Variants in FBXW8 observed in about 807,000 individuals in gnomAD.
The protein encoded by FBXW8 is F-box and WD repeat domain containing 8.
In FBXW8, 57 loss-of-function variants were observed where a neutral mutation model predicts 65.3. The ratio of observed to expected loss-of-function variants is 0.87; its 90% CI spans 0.71 to 1.09. The LOEUF is 1.09. FBXW8 is among the 50% of genes least tolerant of loss of function. The probability of loss-of-function intolerance (pLI) is 0.00; values close to 1 mark genes in which losing one functional copy is unlikely to be tolerated. For missense variants in FBXW8, 777 were observed against 814.8 expected (o/e 0.95, Z 0.57); for synonymous variants, 308 against 330.2 (o/e 0.93, Z 0.73).
chr12:117,018,330 A>G (rs1389375430), intron 8 of FBXW8, among the ~76,000 whole-genome samples: 1 of 152,242 alleles, frequency 6.6e-6, no homozygotes, highest in Non-Finnish European at 1.5e-5. Context: ...AATACTCGCT[A>G]GATGGGGATT....
chr12:116,991,161 CAT>C (rs35808756), intron 7 of FBXW8, among the ~76,000 whole-genome samples: 17,076 of 152,274 alleles, frequency 0.11, 1,321 homozygotes, highest in Admixed American at 0.21. Flanking sequence ...TCCAAACACT[CAT>C]GTGGGTGAAT....
intron 2 of FBXW8, among the ~76,000 whole-genome samples, chr12:116,944,917 G>T (rs1400448142): frequency 6.6e-6 from 1 of 152,160 alleles, no homozygotes; most frequent in African/African-American, 2.4e-5. Context: ...AGATGTTTGG[G>T]TTATAGGTAA....
intron 1 of FBXW8, among the ~76,000 whole-genome samples, chr12:116,918,053 G>T (rs1039092051): frequency 3.3e-5 from 5 of 151,382 alleles, no homozygotes; most frequent in African/African-American, 1.2e-4. Context: ...GTTTTATGAA[G>T]CTTTTAGTAA....
At chr12:117,011,594 A>G (rs77481848) in intron 8 of FBXW8, among the ~76,000 whole-genome samples, 4,100 of 152,218 alleles carry the variant, frequency 0.027, 182 homozygotes, top group African/African-American at 0.088. Flanking sequence ...CAAAAGAATC[A>G]AGTCAGTTTG....
intron 2 of FBXW8, among the ~76,000 whole-genome samples, chr12:116,937,202 C>T (rs1418818369): frequency 6.6e-6 from 1 of 152,078 alleles, no homozygotes; most frequent in Admixed American, 6.5e-5. Context: ...ATGGAAGGAG[C>T]ATGTGTGGGT....
chr12:116,911,378 C>A (rs1351924351), intron 1 of FBXW8, 23 bp downstream of exon 1: 63 of 1,255,978 alleles, frequency 5.0e-5, no homozygotes, highest in Non-Finnish European at 6.0e-5. Flanking sequence ...CGCCTCCCCC[C>A]CGCCCATGCC....
chr12:116,993,142 C>T (rs545651077), intron 7 of FBXW8, among the ~76,000 whole-genome samples: 13 of 113,112 alleles, frequency 1.1e-4, no homozygotes, highest in Admixed American at 2.8e-4. Flanking sequence ...CTTGCTCTGT[C>T]GCCCAGGCTG....
intron 4 of FBXW8, among the ~76,000 whole-genome samples, chr12:116,964,446 C>T (rs909488215): frequency 6.6e-6 from 1 of 152,170 alleles, no homozygotes; most frequent in Admixed American, 6.5e-5. Context: ...TCTTGCTACC[C>T]ATGTCTTATT....
Position 117,028,712 on chromosome 12 carries a change from C to A in FBXW8, c.*540C>A, listed in dbSNP as rs1954296690. On this transcript the variant is annotated 3_prime_UTR_variant, in exon 11 of 11. Coordinates refer to ENST00000652555, the MANE Select transcript of FBXW8 (RefSeq NM_153348.3). This position sits in a 1 kb window ranked among gnomAD's most constrained non-coding sequence, Gnocchi z 4.1. ...GCAAGCTGGTAGAGCTGTACTTTTTCTTCACAGCTTTTACCATGGTTTATA... is the reference window on the plus strand; with the variant it reads ...GCAAGCTGGTAGAGCTGTACTTTTTATTCACAGCTTTTACCATGGTTTATA... 6.4e-6 allele frequency: 1 copy of A among 155,704 alleles called. No individual in the cohort carries two copies. The highest frequency in any genetic ancestry group is 1.4e-5 in the Non-Finnish European group (1 of 69,988). 9.6% of individuals were successfully genotyped at this position (155,704 alleles called of 1,614,324 possible). A position where few individuals can be genotyped will look rare whatever the true frequency, so the allele number is the denominator to read the frequency against.
At chr12:116,917,516 T>C (rs1370252213) in intron 1 of FBXW8, among the ~76,000 whole-genome samples, 7 of 152,242 alleles carry the variant, frequency 4.6e-5, no homozygotes, top group Non-Finnish European at 1.0e-4. Flanking sequence ...CACCCTGTTG[T>C]ATTTCTGGTG....
chr12:116,986,274 A>C (rs1160692678), intron 6 of FBXW8: 1 of 152,164 alleles, frequency 6.6e-6, no homozygotes, highest in Non-Finnish European at 1.5e-5. Context: ...CTGCACTTTG[A>C]GTATAGTGCT....
intron 9 of FBXW8, 103 bp downstream of exon 9, chr12:117,024,423 G>A (rs1209483715): frequency 1.1e-5 from 15 of 1,339,020 alleles, no homozygotes; most frequent in African/African-American, 8.6e-5. Context: ...CCTACCCCCC[G>A]GCTTCGCCAG....
intron 10 of FBXW8, 77 bp downstream of exon 10, chr12:117,027,581 C>T: frequency 5.4e-6 from 6 of 1,118,382 alleles, no homozygotes; most frequent in Middle Eastern, 2.2e-4. Flanking sequence ...CCCGCCGTGA[C>T]ACATTGCACC....
At chr12:116,957,425 G>A (rs898684096) in intron 4 of FBXW8, among the ~76,000 whole-genome samples, 2 of 152,104 alleles carry the variant, frequency 1.3e-5, no homozygotes, top group African/African-American at 2.4e-5. Flanking sequence ...ATGTGAATAC[G>A]TATATATTTG....
chr12:116,996,329 C>T (rs2135687881), intron 7 of FBXW8, among the ~76,000 whole-genome samples: 1 of 152,224 alleles, frequency 6.6e-6, no homozygotes, highest in South Asian at 2.1e-4. Context: ...TAATTATTCC[C>T]CATACACGGA....
At chr12:116,940,274 A>G (rs1882470483) in intron 2 of FBXW8, among the ~76,000 whole-genome samples, 2 of 150,422 alleles carry the variant, frequency 1.3e-5, no homozygotes, top group South Asian at 2.1e-4. Flanking sequence ...TTTTTAAATA[A>G]TTAAGACACA....
In FBXW8 at chr12:116,928,054, T is replaced by C. The variant is rs759963255; in HGVS notation, c.350T>C (p.Ile117Thr). The C allele has an allele frequency of 6.2e-7, 1 of 1,609,484 alleles. No homozygotes were observed. The highest frequency in any genetic ancestry group is 8.5e-7 in the Non-Finnish European group (1 of 1,178,236). ...NEMNDVPFFD[I>T]QLPYELAINI... ...ATGAATGATGTGCCTTTCTTTGATATCCAACTGCCTTACGAATTGGCAATC... is the reference window on the plus strand; with the variant it reads ...ATGAATGATGTGCCTTTCTTTGATACCCAACTGCCTTACGAATTGGCAATC... The change falls in exon 2 of 11, where the codon ATC (isoleucine) becomes ACC (threonine). Residue 117 changes from isoleucine (I) to threonine (T), a missense_variant. Coordinates refer to ENST00000652555, the MANE Select transcript of FBXW8 (RefSeq NM_153348.3).
chr12:116,927,127 A>G (rs1352611970), intron 1 of FBXW8, among the ~76,000 whole-genome samples: 1 of 152,124 alleles, frequency 6.6e-6, no homozygotes, highest in East Asian at 1.9e-4. Flanking sequence ...AGAAGCACAT[A>G]CCAAAGTGAG....
chr12:117,027,838 A>G (rs1372786247), intron 10 of FBXW8, among the ~76,000 whole-genome samples, 190 bp from the exon 11 acceptor site: 2 of 152,166 alleles, frequency 1.3e-5, no homozygotes, highest in Non-Finnish European at 2.9e-5. Context: ...CGCCCATCGG[A>G]CTTGTGCACC....
Sources: allele counts gnomAD v4.1 joint callset (sites outside exome capture counted in the v4.1 genomes callset), GRCh38; gene constraint gnomAD v4.1.1; non-coding constraint Gnocchi (gnomAD v3.1); transcripts MANE v1.5; gene names NCBI Gene and HGNC (gene_info 2026-07-23, HGNC 2026-07-21).